Variants in ANXA6 observed in about 807,000 individuals in gnomAD.
ANXA6 encodes annexin A6.
A neutral mutation model predicts 95.4 loss-of-function variants in ANXA6; 71 were observed. The observed-to-expected ratio is 0.74, with a 90% CI of 0.61 to 0.91. The LOEUF is 0.91. Ranked by LOEUF, ANXA6 falls within the 40% of genes least tolerant of loss-of-function variation. The pLI is 0.00. For synonymous variants in ANXA6, 289 were observed against 315.9 expected (o/e 0.91, Z 0.90); for missense variants, 830 against 876.4 (o/e 0.95, Z 0.67).
At chr5:151,107,032 G>A (rs1403900430) in intron 23 of ANXA6, among the ~76,000 whole-genome samples, 1 of 152,212 alleles carries the variant, frequency 6.6e-6, no homozygotes, top group East Asian at 1.9e-4. Flanking sequence ...AGCTTTGGAG[G>A]TAGGCAGCCT....
rs1764527542 is a variant in ANXA6 at position 151,100,880 on chromosome 5, G to A, written c.*568C>T. On this transcript the variant is annotated 3_prime_UTR_variant, in exon 26 of 26. Transcript: ENST00000354546. ...AGAGACTCAGGGAGGGAAAGGGGCT[G>A]GCCTAAGGTCAGAAACAAGTGCATG... 4.4e-6 allele frequency: 2 copies of A among 456,212 alleles called. No homozygotes were observed. Among genetic ancestry groups the A allele is most frequent in the South Asian group, 1.5e-5 (1 of 64,572 alleles). The allele number at this position is 456,212 out of a possible 1,614,324, so 28.3% of individuals were successfully genotyped here.
chr5:151,103,707 C>A lies in ANXA6; in HGVS notation c.1840-15G>T. On this transcript the variant is annotated splice_polypyrimidine_tract_variant and intron_variant, in intron 24 of 25. Coordinates refer to ENST00000354546, the MANE Select transcript of ANXA6 (RefSeq NM_001155.5). ...GTGCCAGCACCCTGGTGGAGCCAGG[C>A]AGGAGGGAGACACAGGCGGAAGGAG... 1 of 1,602,768 alleles carries A rather than the reference C, an allele frequency of 6.2e-7. No individual in the cohort carries two copies. The highest frequency in any genetic ancestry group is 8.5e-7 in the Non-Finnish European group (1 of 1,174,794).
intron 25 of ANXA6, among the ~76,000 whole-genome samples, chr5:151,101,954 C>T (rs868528507): frequency 1.3e-5 from 2 of 152,230 alleles, no homozygotes; most frequent in African/African-American, 2.4e-5. Flanking sequence ...TCCCCTGGCA[C>T]TCTGCTGATA....
rs909295745 is a variant in ANXA6 at position 151,147,933 on chromosome 5, A to G, written c.-25-7T>C. 6.2e-7 allele frequency: 1 copy of G among 1,602,374 alleles called. No individual in the cohort carries two copies. Among genetic ancestry groups the G allele is most frequent in the South Asian group, 1.1e-5 (1 of 88,770 alleles). ...CGGTTCGCAGCAGAATCCACTGTAGAGAAGAAAGACAGCATGTGAGATTCC... is the reference window on the plus strand; with the variant it reads ...CGGTTCGCAGCAGAATCCACTGTAGGGAAGAAAGACAGCATGTGAGATTCC... On this transcript the variant is annotated splice_polypyrimidine_tract_variant and splice_region_variant and intron_variant, in intron 1 of 25. Coordinates refer to ENST00000354546, the MANE Select transcript of ANXA6 (RefSeq NM_001155.5).
intron 15 of ANXA6, 97 bp downstream of exon 15, chr5:151,124,189 A>G: frequency 2.0e-6 from 2 of 1,023,410 alleles, no homozygotes; most frequent in Non-Finnish European, 3.0e-6. Flanking sequence ...TGCAGACTCT[A>G]ATTTGAAACC....
intron 1 of ANXA6, among the ~76,000 whole-genome samples, chr5:151,148,377 A>G (rs965865004): frequency 1.3e-5 from 2 of 152,206 alleles, no homozygotes; most frequent in Non-Finnish European, 2.9e-5. Flanking sequence ...CCCAGAGTCT[A>G]TACTATCTGC....
chr5:151,140,855 G>T (rs907468369), intron 2 of ANXA6, among the ~76,000 whole-genome samples: 1 of 152,234 alleles, frequency 6.6e-6, no homozygotes, highest in Non-Finnish European at 1.5e-5. Flanking sequence ...AGAGCCACTT[G>T]TGGGAGGTCA....
chr5:151,110,521 G>C, intron 21 of ANXA6, 106 bp downstream of exon 21: 1 of 1,277,998 alleles, frequency 7.8e-7, no homozygotes, highest in Non-Finnish European at 1.1e-6. Flanking sequence ...GAGAGAAGCC[G>C]CACAGCAAGC....
intron 20 of ANXA6, among the ~76,000 whole-genome samples, chr5:151,113,986 C>T (rs1482015583): frequency 6.6e-6 from 1 of 152,178 alleles, no homozygotes; most frequent in African/African-American, 2.4e-5. Flanking sequence ...AAGTGTTTAA[C>T]ATAGTGTTTA....
At position 151,108,490 on chromosome 5, in the gene ANXA6, A is replaced by G. The variant is rs770326655; in HGVS notation, c.1745T>C (p.Met582Thr). ...AAATGCATCCCTGACATCCCCAGAC[A>G]TCTCCTTCTTGATGGTGTGCTCCAC... ...YDVEHTIKKEMSGDVRDAFVA... is the reference protein window; with the variant it reads ...YDVEHTIKKETSGDVRDAFVA... Residue 582 changes from methionine (M) to threonine (T), a missense_variant, in exon 23 of 26, where the codon ATG (methionine) becomes ACG (threonine). Physicochemically the swap from Met to Thr is moderately conservative, Grantham distance 81. Transcript: ENST00000354546. 3 of 1,613,928 alleles carry G rather than the reference A, an allele frequency of 1.9e-6. No homozygotes were observed.
rs532364637 is a variant in ANXA6 at position 151,153,822 on chromosome 5, T to TA, written c.-26+3857dup. 1.3e-4 allele frequency among the ~76,000 whole-genome samples: 20 copies of TA among 152,352 alleles called. No individual in the cohort carries two copies. In the East Asian group the frequency reaches 3.7e-3, roughly 28 times the overall value. On this transcript the variant is annotated intron_variant, in intron 1 of 25. Coordinates refer to ENST00000354546, the MANE Select transcript of ANXA6 (RefSeq NM_001155.5). ...ACAAATGTGTCTTTTGAGCTGGTTA[T>TA]AACATCGGCCTGGTGTGGTCATTGA...
At chr5:151,103,533 C>T (rs767825437) in intron 25 of ANXA6, 37 bp downstream of exon 25, 104 of 1,587,920 alleles carry the variant, frequency 6.5e-5, no homozygotes, top group Non-Finnish European at 8.1e-5. Flanking sequence ...ATCTGACACT[C>T]ACCCGCTTCC....
At chr5:151,123,231 G>A (rs1765222355) in intron 15 of ANXA6, among the ~76,000 whole-genome samples, 1 of 152,176 alleles carries the variant, frequency 6.6e-6, no homozygotes, top group Non-Finnish European at 1.5e-5. Context: ...GAGGAAAAAG[G>A]ACAGCTGGGA....
intron 20 of ANXA6, 58 bp from the exon 21 acceptor site, chr5:151,110,702 T>G: frequency 6.9e-5 from 110 of 1,594,458 alleles, no homozygotes; most frequent in Non-Finnish European, 8.6e-5. Context: ...CAGAGGAGGT[T>G]GGGGAGGCTG....
intron 1 of ANXA6, among the ~76,000 whole-genome samples, chr5:151,157,118 G>A (rs190988542): frequency 6.6e-6 from 1 of 152,342 alleles, no homozygotes; most frequent in Non-Finnish European, 1.5e-5. Context: ...TAGACAAGCA[G>A]TGGCCCAAAG....
chr5:151,118,768 A>T (rs1196335237), intron 18 of ANXA6, among the ~76,000 whole-genome samples: 1 of 151,628 alleles, frequency 6.6e-6, no homozygotes, highest in East Asian at 1.9e-4. Flanking sequence ...GGGTTTTGCC[A>T]TGTCGCCCAG....
chr5:151,145,844 T>G (rs115026956), intron 2 of ANXA6, among the ~76,000 whole-genome samples: 1,543 of 152,200 alleles, frequency 0.01, 27 homozygotes, highest in African/African-American at 0.035. Flanking sequence ...GCACGCTGCA[T>G]TTGCTCTCCT....
rs911052443 is a variant in ANXA6 at position 151,127,007 on chromosome 5, T to C, written c.978-527A>G. On this transcript the variant is annotated intron_variant, in intron 13 of 25. Transcript: ENST00000354546. ...GCTGGGATTACAGGCGCTGAGCCAC[T>C]GTGTCCGGCCAATGCTGGCTTTTAA... Among the ~76,000 whole-genome samples the C allele has an allele frequency of 1.4e-4, 21 of 152,216 alleles. 1 individual carries two copies. Among genetic ancestry groups the C allele is most frequent in the Non-Finnish European group, 2.1e-4 (14 of 68,024 alleles).
intron 5 of ANXA6, 98 bp downstream of exon 5, chr5:151,138,580 G>A: frequency 1.3e-6 from 1 of 768,734 alleles, no homozygotes; most frequent in East Asian, 2.7e-5. Flanking sequence ...CACATGTGCT[G>A]GGTGGGTATG....
Sources: allele counts gnomAD v4.1 joint callset (sites outside exome capture counted in the v4.1 genomes callset), GRCh38; gene constraint gnomAD v4.1.1; transcripts MANE v1.5; gene names NCBI Gene and HGNC (gene_info 2026-07-23, HGNC 2026-07-21).